The following GNAT2 variants were observed in gnomAD, a reference collection of about 807,000 sequenced individuals.
The protein encoded by GNAT2 is G protein subunit alpha transducin 2, also known as guanine nucleotide-binding protein G(t) subunit alpha-2.
A neutral mutation model predicts 40.9 loss-of-function variants in GNAT2; 32 were observed. That is an observed-to-expected ratio of 0.78 (90% CI 0.59 to 1.05). GNAT2 has a LOEUF of 1.05. Among genes scored for constraint, GNAT2 ranks in the 50% least tolerant of loss-of-function variants. The pLI, the probability that GNAT2 is intolerant of heterozygous loss-of-function variation, is 0.00. For missense variants in GNAT2, 355 were observed against 431.5 expected (o/e 0.82, Z 1.57); for synonymous variants, 141 against 157.2 (o/e 0.90, Z 0.77).
Position 109,606,448 on chromosome 1 carries a change from T to G in GNAT2, c.462-12A>C. ...ATTGGTTCAGGTAGCTAGAGAAAAG[T>G]GATTAGCATCAATGACAAATTTTCC... On this transcript the variant is annotated splice_polypyrimidine_tract_variant and intron_variant, in intron 5 of 8. Coordinates refer to ENST00000679935, the MANE Select transcript of GNAT2 (RefSeq NM_001377295.2). 6.2e-7 allele frequency: 1 copy of G among 1,612,098 alleles called. No individual in the cohort carries two copies. Among genetic ancestry groups the G allele is most frequent in the Non-Finnish European group, 8.5e-7 (1 of 1,178,178 alleles).
chr1:109,606,208 AATTTAGATTAGG>A (rs1649588717), intron 6 of GNAT2, 88 bp downstream of exon 6: 1 of 1,569,340 alleles, frequency 6.4e-7, no homozygotes, highest in African/African-American at 1.4e-5. Flanking sequence ...GCAGAACAGT[AATTTAGATTAGG>A]CTTCACCAAA....
At position 109,603,958 on chromosome 1, in the gene GNAT2, C is replaced by G. The variant is rs750251941; in HGVS notation, c.867G>C (p.Glu289Asp). The change falls in exon 8 of 9, where the codon GAG becomes GAC. Residue 289 changes from glutamate (E) to aspartate (D), a missense_variant. Transcript: ENST00000679935. ...KKVHLSICFP[E>D]YDGNNSYDDA... The stretch of plus-strand genomic sequence containing the variant: ...CCAGCCCCTGACACTTACCATCATA[C>G]TCTGGAAAACAAATGCTGAGATGGA... 2 of 1,604,922 alleles carry G rather than the reference C, an allele frequency of 1.2e-6. No individual in the cohort carries two copies. The highest frequency in any genetic ancestry group is 3.3e-5 in the Admixed American group (2 of 60,010).
At position 109,610,138 on chromosome 1, in the gene GNAT2, ACTCCAGGCATT is replaced by A; in HGVS notation, c.194_204del (p.Glu65ValfsTer29). The A allele has an allele frequency of 2.5e-6, 4 of 1,612,776 alleles. No individual in the cohort carries two copies. Among genetic ancestry groups the A allele is most frequent in the Non-Finnish European group, 3.4e-6 (4 of 1,179,070 alleles). ...ACATTTCCATAGATGATAGCCTTGA[ACTCCAGGCATT>A]CTTCTGGTGAATAGCCATCCTGGTG... On this transcript the variant is annotated frameshift_variant, in exon 4 of 9. Coordinates refer to ENST00000679935, the MANE Select transcript of GNAT2 (RefSeq NM_001377295.2). LOFTEE classifies it high-confidence loss of function.
At chr1:109,603,578 T>A in intron 8 of GNAT2, 34 bp from the exon 9 acceptor site, 1 of 1,364,286 alleles carries the variant, frequency 7.3e-7, no homozygotes, top group Non-Finnish European at 1.0e-6. Context: ...AAAAGTAGAA[T>A]AAATGAACCC....
chr1:109,603,609 T>C, intron 8 of GNAT2, 65 bp from the exon 9 acceptor site: 1 of 1,055,006 alleles, frequency 9.5e-7, no homozygotes, highest in Non-Finnish European at 1.5e-6. Context: ...CTGACTCACT[T>C]TAGGTGATTG....
chr1:109,616,711 GAAGA>G (rs1300561639), intron 1 of GNAT2: 1 of 152,224 alleles, frequency 6.6e-6, no homozygotes, highest in African/African-American at 2.4e-5. Flanking sequence ...TTCTACAGCG[GAAGA>G]AAGAAAAGGG....
rs147524117 is a variant in GNAT2 at position 109,606,492 on chromosome 1, C to T, written c.462-56G>A. 4.1e-4 allele frequency: 611 copies of T among 1,491,898 alleles called. 1 individual carries two copies. Among genetic ancestry groups the T allele is most frequent in the Non-Finnish European group, 5.1e-4 (541 of 1,069,090 alleles). The allele number at this position is 1,491,898 out of a possible 1,614,324, so 92.4% of individuals were successfully genotyped here. ...ATTTTCCACAGACGAGGCTAAGAGACGTAAAAGGTATCTTACCCAAAGTCA... is the reference window on the plus strand; with the variant it reads ...ATTTTCCACAGACGAGGCTAAGAGATGTAAAAGGTATCTTACCCAAAGTCA... On this transcript the variant is annotated intron_variant, in intron 5 of 8. Coordinates refer to ENST00000679935, the MANE Select transcript of GNAT2 (RefSeq NM_001377295.2).
chr1:109,614,206 A>C (rs1230360457), intron 1 of GNAT2: 1 of 152,220 alleles, frequency 6.6e-6, no homozygotes, highest in Non-Finnish European at 1.5e-5. Flanking sequence ...TCCGCAGTTT[A>C]ACAAGATCTC....
intron 1 of GNAT2, chr1:109,616,397 T>C (rs1170763566): frequency 2.6e-4 from 40 of 152,212 alleles, no homozygotes; most frequent in Admixed American, 2.6e-3. Context: ...AGTAAATCAC[T>C]GTTTCTTAGT....
chr1:109,613,616 A>G (rs1289307590), intron 1 of GNAT2: 1 of 153,040 alleles, frequency 6.5e-6, no homozygotes, highest in African/African-American at 2.4e-5. Flanking sequence ...CCCTCACTGC[A>G]TTTCTCCCCC....
intron 5 of GNAT2, chr1:109,608,103 C>A: frequency 5.3e-6 from 1 of 189,286 alleles, no homozygotes; most frequent in East Asian, 1.3e-4. Flanking sequence ...CTTGGTTTGC[C>A]CTTGTAGTTT....
intron 2 of GNAT2, chr1:109,612,005 GT>G (rs1301155417): frequency 6.6e-6 from 1 of 152,470 alleles, no homozygotes. Context: ...CCAGTGGTTT[GT>G]TTTCCTAAGC....
At chr1:109,618,071 T>C (rs1279574834) in intron 1 of GNAT2, 3 of 152,200 alleles carry the variant, frequency 2.0e-5, no homozygotes, top group African/African-American at 4.8e-5. Flanking sequence ...TTTTGTTGAT[T>C]TCTATCCCCT....
At chr1:109,615,197 G>C (rs551820916) in intron 1 of GNAT2, 6 of 152,302 alleles carry the variant, frequency 3.9e-5, no homozygotes, top group African/African-American at 1.2e-4. Flanking sequence ...ACTGAGACTT[G>C]AGAGTTAAGT....
chr1:109,610,866 G>A, intron 2 of GNAT2: 2 of 380,586 alleles, frequency 5.3e-6, no homozygotes, highest in African/African-American at 2.1e-5. Flanking sequence ...AAATCTTCCT[G>A]TTGAAAACCA....
At chr1:109,611,959 G>A (rs1158087709) in intron 2 of GNAT2, 1 of 152,546 alleles carries the variant, frequency 6.6e-6, no homozygotes, top group Non-Finnish European at 1.5e-5. Context: ...CTGCTACGTA[G>A]ACCCTACCTG....
intron 2 of GNAT2, chr1:109,611,632 C>T (rs1426844003): frequency 6.6e-6 from 1 of 152,156 alleles, no homozygotes; most frequent in African/African-American, 2.4e-5. Context: ...CCTTCTAGTA[C>T]TGAGTTTATA....
intron 5 of GNAT2, chr1:109,607,651 A>G (rs1649653072): frequency 6.6e-6 from 1 of 152,228 alleles, no homozygotes; most frequent in Non-Finnish European, 1.5e-5. Context: ...GGCTAGGGTC[A>G]AGAGAAATTG....
Position 109,606,394 on chromosome 1 carries a change from G to GAGGT in GNAT2, c.500_503dup (p.Ser170ProfsTer2), listed in dbSNP as rs759522552. ...ATCGGAGCACATCTTGCTCACTAGG[G>GAGGT]AGGTACTCAGGGTCTGTAATTCGTT... On this transcript the variant is annotated frameshift_variant, in exon 6 of 9. Coordinates refer to ENST00000679935, the MANE Select transcript of GNAT2 (RefSeq NM_001377295.2). LOFTEE classifies it high-confidence loss of function. 1 of 1,611,164 alleles carries GAGGT rather than the reference G, an allele frequency of 6.2e-7. No individual in the cohort carries two copies. Among genetic ancestry groups the GAGGT allele is most frequent in the South Asian group, 1.1e-5 (1 of 91,034 alleles).
Sources: gnomAD v4.1 joint callset for allele counts on GRCh38, gnomAD v4.1.1 for gene constraint, MANE v1.5 for transcripts, NCBI Gene and HGNC (gene_info 2026-07-23, HGNC 2026-07-21) for gene names.